SLC35D1: variants seen among roughly 807,000 people sequenced by gnomAD.
SLC35D1 encodes nucleotide sugar transporter SLC35D1.
Under a neutral mutation model 46.7 loss-of-function variants are expected in SLC35D1, and 31 were observed. That is an observed-to-expected ratio of 0.66 (90% CI 0.50 to 0.90). The LOEUF (loss-of-function observed/expected upper bound fraction) is 0.90. SLC35D1 is among the 40% of genes least tolerant of loss of function. The probability of loss-of-function intolerance (pLI) is 0.00; values close to 1 mark genes in which losing one functional copy is unlikely to be tolerated. For synonymous variants in SLC35D1, 195 were observed against 164.6 expected (o/e 1.18, Z -1.41); for missense variants, 397 against 426.2 (o/e 0.93, Z 0.60).
At chr1:67,034,815 T>C (rs1352340403) in intron 8 of SLC35D1, among the ~76,000 whole-genome samples, 1 of 152,204 alleles carries the variant, frequency 6.6e-6, no homozygotes, top group Non-Finnish European at 1.5e-5. Context: ...TACCCATTCA[T>C]CTGTCATATA....
rs561670386 is a variant in SLC35D1, at chr1:67,053,742, G to C, written c.203+69C>G. The C allele has an allele frequency of 2.7e-4, 363 of 1,354,102 alleles. No individual in the cohort carries two copies. The African/African-American group carries it at 4.2e-3, about 16-fold the overall frequency. The allele number at this position is 1,354,102 out of a possible 1,614,324, so 83.9% of individuals were successfully genotyped here. A position where few individuals can be genotyped will look rare whatever the true frequency, so the allele number is the denominator to read the frequency against. On this transcript the variant is annotated intron_variant, in intron 1 of 11. Transcript: ENST00000235345. ...AACTTTGGCAGTCAAAGTCCAGGGAGCCGGCGCCGCGCCGCCGCCGCCGCC... is the reference window on the plus strand; with the variant it reads ...AACTTTGGCAGTCAAAGTCCAGGGACCCGGCGCCGCGCCGCCGCCGCCGCC...
chr1:67,004,457 C>G lies in SLC35D1; in HGVS notation c.960-9G>C, dbSNP rs185665670. Reference sequence around the variant, plus strand: ...CCAGGCTCCCAGCAATGCTGCAAAACAGAAAGCCACTATCAGAGATGGAGG... The same window carrying G: ...CCAGGCTCCCAGCAATGCTGCAAAAGAGAAAGCCACTATCAGAGATGGAGG... On this transcript the variant is annotated splice_polypyrimidine_tract_variant and intron_variant, in intron 11 of 11. Coordinates refer to ENST00000235345, the MANE Select transcript of SLC35D1 (RefSeq NM_015139.3). 72 of 1,612,078 alleles carry G rather than the reference C, an allele frequency of 4.5e-5. No homozygotes were observed. The African/African-American group carries it at 8.3e-4, about 19-fold the overall frequency.
At chr1:67,008,323 G>C (rs1169659691) in intron 11 of SLC35D1, 2 of 783,636 alleles carry the variant, frequency 2.6e-6, no homozygotes, top group African/African-American at 3.6e-5. Flanking sequence ...ATTTTTAGTA[G>C]AGACGGGGTA....
the SLC35D1 span, among the ~76,000 whole-genome samples, chr1:66,989,246 A>T: frequency 1.3e-5 from 2 of 152,150 alleles, no homozygotes; most frequent in East Asian, 1.9e-4. Context: ...TTTGGAAGAG[A>T]GGACGCCTAA....
chr1:67,007,644 C>G (rs533639957), intron 11 of SLC35D1, among the ~76,000 whole-genome samples: 140 of 152,268 alleles, frequency 9.2e-4, no homozygotes, highest in African/African-American at 2.9e-3. Context: ...ACTGAATATT[C>G]ATCAACGAGC....
chr1:66,974,433 TTTG>T, the SLC35D1 span, among the ~76,000 whole-genome samples: 922 of 151,670 alleles, frequency 6.1e-3, 8 homozygotes, highest in African/African-American at 0.021. Flanking sequence ...AGGTTTTTTT[TTTG>T]TTGTTGTTGT....
At chr1:67,047,760 C>G (rs939278357) in intron 6 of SLC35D1, among the ~76,000 whole-genome samples, 1 of 152,184 alleles carries the variant, frequency 6.6e-6, no homozygotes, top group Admixed American at 6.5e-5. Context: ...AAGTCATTTT[C>G]TGAAGGTCCA....
chr1:66,993,889 G>A, the SLC35D1 span, among the ~76,000 whole-genome samples: 1 of 152,100 alleles, frequency 6.6e-6, no homozygotes, highest in Non-Finnish European at 1.5e-5. Flanking sequence ...GAAAACTCTT[G>A]GAAACATAAG....
At chr1:66,991,376 T>TGA in the SLC35D1 span, among the ~76,000 whole-genome samples, 28 of 152,220 alleles carry the variant, frequency 1.8e-4, no homozygotes, top group African/African-American at 6.5e-4. Context: ...ATTGCTAGCC[T>TGA]GAGTCCCAGT....
At chr1:67,017,733 T>A (rs1014899840) in intron 10 of SLC35D1, among the ~76,000 whole-genome samples, 2 of 152,206 alleles carry the variant, frequency 1.3e-5, no homozygotes, top group Non-Finnish European at 2.9e-5. Flanking sequence ...ACATCTCTTA[T>A]TAAAGATCTG....
the SLC35D1 span, among the ~76,000 whole-genome samples, chr1:66,984,151 G>A: frequency 6.6e-6 from 1 of 152,268 alleles, no homozygotes; most frequent in South Asian, 2.1e-4. Context: ...GCTTTTACGT[G>A]GTTTTAGAAT....
the SLC35D1 span, chr1:66,981,814 G>A: frequency 1.2e-6 from 2 of 1,613,820 alleles, no homozygotes; most frequent in African/African-American, 1.3e-5. Context: ...GAAAGTGAAA[G>A]TGCTGCATCT....
At chr1:67,051,830 A>G (rs1041296301) in intron 4 of SLC35D1, among the ~76,000 whole-genome samples, 182 bp downstream of exon 4, 16 of 152,344 alleles carry the variant, frequency 1.1e-4, no homozygotes, top group Non-Finnish European at 8.8e-5. Flanking sequence ...TCTTCAAAGA[A>G]AAGAGCATAA....
intron 8 of SLC35D1, chr1:67,031,896 A>C: frequency 4.6e-6 from 1 of 218,000 alleles, no homozygotes; most frequent in Non-Finnish European, 7.8e-6. Context: ...TCCCTAAGAT[A>C]GGAAATAGAA....
In SLC35D1 at chr1:67,052,002, T is replaced by C; in HGVS notation, c.392+10A>G. The C allele has an allele frequency of 6.4e-7, 1 of 1,569,022 alleles. No homozygotes were observed. The highest frequency in any genetic ancestry group is 8.8e-7 in the Non-Finnish European group (1 of 1,139,202). On this transcript the variant is annotated intron_variant, in intron 4 of 11. Coordinates refer to ENST00000235345, the MANE Select transcript of SLC35D1 (RefSeq NM_015139.3). ...TATTAACCTCACTAGTAAAATAAAG[T>C]TATCCATACTTCAGTTTCTTTGTGC...
At chr1:67,008,378 C>G in intron 11 of SLC35D1, 1 of 1,277,778 alleles carries the variant, frequency 7.8e-7, no homozygotes, top group Non-Finnish European at 1.0e-6. Context: ...ACCTTGTGAT[C>G]TGCCCGCCTC....
chr1:67,004,420 T>A lies in SLC35D1; in HGVS notation c.988A>T (p.Ile330Phe), dbSNP rs1667404267. 1 of 1,613,910 alleles carries A rather than the reference T, an allele frequency of 6.2e-7. No individual in the cohort carries two copies. Among genetic ancestry groups the A allele is most frequent in the Admixed American group, 1.7e-5 (1 of 60,002 alleles). Reference sequence around the variant, plus strand: ...CTCAGCTGCTCTTCAGTGAAAGTGATATAGGAATATACCAGGCTCCCAGCA... The same window carrying A: ...CTCAGCTGCTCTTCAGTGAAAGTGAAATAGGAATATACCAGGCTCCCAGCA... ...SIAGSLVYSY[I>F]TFTEEQLSKQ... Residue 330 changes from isoleucine to phenylalanine, a missense_variant, in exon 12 of 12, where the codon ATC becomes TTC. By Grantham distance (21) the Ile-to-Phe change is conservative. Transcript: ENST00000235345.
chr1:66,985,851 AG>A, the SLC35D1 span: 2 of 802,192 alleles, frequency 2.5e-6, no homozygotes, highest in Non-Finnish European at 3.0e-6. Context: ...TTTCTACTTA[AG>A]GGCAAGTAAT....
chr1:67,052,695 C>A lies in SLC35D1; in HGVS notation c.324+76G>T. On this transcript the variant is annotated intron_variant, in intron 3 of 11. Transcript: ENST00000235345. ...ATTTTGAGGCTGCAATTTTTAAATA[C>A]GCAAGGCACTGATAAAATATGTTAA... 5.4e-6 allele frequency: 8 copies of A among 1,481,350 alleles called. No individual in the cohort carries two copies. The South Asian group carries it at 8.0e-5, about 15-fold the overall frequency. The allele number at this position is 1,481,350 out of a possible 1,614,324, so 91.8% of individuals were successfully genotyped here.
Sources: allele counts gnomAD v4.1 joint callset (sites outside exome capture counted in the v4.1 genomes callset), GRCh38; gene constraint gnomAD v4.1.1; transcripts MANE v1.5; gene names NCBI Gene and HGNC (gene_info 2026-07-23, HGNC 2026-07-21).